The following FBLN1 variants were observed in gnomAD, a reference collection of about 807,000 sequenced individuals.
FBLN1 encodes fibulin-1.
In FBLN1, 34 loss-of-function variants were observed where a neutral mutation model predicts 89.7. The observed-to-expected ratio is 0.38, with a 90% CI of 0.29 to 0.50. The LOEUF (loss-of-function observed/expected upper bound fraction) is 0.50. FBLN1 is among the 20% of genes least tolerant of loss of function. FBLN1 has a pLI of 0.92. For synonymous variants in FBLN1, 393 were observed against 391.3 expected, an observed-to-expected ratio of 1.00 and a Z score of -0.05; for missense variants, 777 against 988.1, an observed-to-expected ratio of 0.79 and a Z score of 2.86.
intron 14 of FBLN1, chr22:45,558,076 C>G (rs953355765): frequency 1.4e-6 from 1 of 716,722 alleles, no homozygotes; most frequent in Admixed American, 2.0e-5. Context: ...GTCAGATGAT[C>G]GTAGGGAACT....
chr22:45,526,289 A>G lies in FBLN1; in HGVS notation c.321+611A>G, dbSNP rs546052104. ...GTCCTCTTCCCTGAGTGCTCCTAGGACCCTACGTGCTAGCAGGTCACTCAG... is the reference window on the plus strand; with the variant it reads ...GTCCTCTTCCCTGAGTGCTCCTAGGGCCCTACGTGCTAGCAGGTCACTCAG... On this transcript the variant is annotated intron_variant, in intron 3 of 16. Coordinates refer to ENST00000327858, the MANE Select transcript of FBLN1 (RefSeq NM_006486.3). Among the ~76,000 whole-genome samples, 43 of 152,148 alleles carry G rather than the reference A, an allele frequency of 2.8e-4. 1 individual carries two copies. The East Asian group carries it at 8.0e-3, about 28-fold the overall frequency.
rs1402854043 is a variant in FBLN1, at chr22:45,590,268, G to A, written c.1973-10039G>A. Among the ~76,000 whole-genome samples the A allele has an allele frequency of 1.3e-5, 2 of 152,230 alleles. No homozygotes were observed. The highest frequency in any genetic ancestry group is 2.4e-5 in the African/African-American group (1 of 41,464). ...GACCTTCATTGCATCTGTAGAAAGA[G>A]GCAGAGTAGCCTTCACTCCGGAAGG... On this transcript the variant is annotated intron_variant, in intron 16 of 16. Coordinates refer to ENST00000327858, the MANE Select transcript of FBLN1 (RefSeq NM_006486.3). The surrounding 1 kb of genome is among the most constrained non-coding windows in gnomAD (Gnocchi z 4.1).
At chr22:45,511,174 GAC>G (rs1434420103) in intron 1 of FBLN1, among the ~76,000 whole-genome samples, 5 of 139,448 alleles carry the variant, frequency 3.6e-5, no homozygotes, top group African/African-American at 1.1e-4. Context: ...TTTTTTTTGA[GAC>G]AGAGTTTCGC....
rs2088690584 is a variant in FBLN1, at chr22:45,550,673, A to AGGTGGGTGG, written c.1697+59_1697+60insGTGGGTGGG. 3 of 1,613,214 alleles carry AGGTGGGTGG rather than the reference A, an allele frequency of 1.9e-6. No individual in the cohort carries two copies. The highest frequency in any genetic ancestry group is 2.2e-5 in the South Asian group (2 of 90,986). On this transcript the variant is annotated intron_variant, in intron 14 of 16. Transcript: ENST00000327858. The surrounding 1 kb of genome is among the most constrained non-coding windows in gnomAD (Gnocchi z 8.4). ...TCTGTGTTGGCCTTCCTGGTGACCC[A>AGGTGGGTGG]GTTCCCGGGTGGGTGGGTTATCAGG...
Position 45,597,123 on chromosome 22 carries a change from C to A in FBLN1, c.1973-3184C>A, listed in dbSNP as rs1373731784. Reference sequence around the variant, plus strand: ...GCTCAAACAATTCTGCCACCTCAGCCTCCTGAGTAGCTGGGACTATAAGCA... The same window carrying A: ...GCTCAAACAATTCTGCCACCTCAGCATCCTGAGTAGCTGGGACTATAAGCA... On this transcript the variant is annotated intron_variant, in intron 16 of 16. Coordinates refer to ENST00000327858, the MANE Select transcript of FBLN1 (RefSeq NM_006486.3). This position sits in a 1 kb window ranked among gnomAD's most constrained non-coding sequence, Gnocchi z 4.2. Among the ~76,000 whole-genome samples, 1 of 128,706 alleles carries A rather than the reference C, an allele frequency of 7.8e-6. No homozygotes were observed. 84.4% of individuals were successfully genotyped at this position (128,706 alleles called of 152,430 possible).
rs1032723453 is a variant in FBLN1 at position 45,536,362 on chromosome 22, C to T, written c.922+1025C>T. Among the ~76,000 whole-genome samples the T allele has an allele frequency of 1.6e-4, 25 of 151,908 alleles. No homozygotes were observed. Among genetic ancestry groups the T allele is most frequent in the Admixed American group, 5.2e-4 (8 of 15,244 alleles). ...GAGATGGATGGGGGTGATGGTGGCA[C>T]GACAGTGTGAATGCAGTAATGCCCC... On this transcript the variant is annotated intron_variant, in intron 8 of 16. Coordinates refer to ENST00000327858, the MANE Select transcript of FBLN1 (RefSeq NM_006486.3). The surrounding 1 kb of genome is among the most constrained non-coding windows in gnomAD (Gnocchi z 5.1).
chr22:45,600,226 C>T (rs777712162), intron 16 of FBLN1, 81 bp from the exon 17 acceptor site: 2 of 1,573,742 alleles, frequency 1.3e-6, no homozygotes, highest in African/African-American at 1.3e-5. Flanking sequence ...CTCTGAAACT[C>T]CTCAAGGGAA....
chr22:45,523,441 G>A (rs191146101), intron 2 of FBLN1, among the ~76,000 whole-genome samples: 61 of 152,318 alleles, frequency 4.0e-4, no homozygotes, highest in African/African-American at 1.3e-3. Flanking sequence ...AGTGGCTCAC[G>A]CCTATAATCC....
In FBLN1 at chr22:45,556,803, C is replaced by T. The variant is rs1168921683; in HGVS notation, c.1697+6188C>T. Among the ~76,000 whole-genome samples the T allele has an allele frequency of 2.0e-5, 3 of 152,070 alleles. No individual in the cohort carries two copies. In the South Asian group the frequency reaches 6.2e-4, roughly 32 times the overall value. Reference sequence around the variant, plus strand: ...GTTCTGTCTCCTGGTGGCGGCGTTCCTCCCTCTGGAACTAAGACCTCTAGG... The same window carrying T: ...GTTCTGTCTCCTGGTGGCGGCGTTCTTCCCTCTGGAACTAAGACCTCTAGG... On this transcript the variant is annotated intron_variant, in intron 14 of 16. Coordinates refer to ENST00000327858, the MANE Select transcript of FBLN1 (RefSeq NM_006486.3). This position sits in a 1 kb window ranked among gnomAD's most constrained non-coding sequence, Gnocchi z 4.6.
rs2088870858 is a variant in FBLN1, at chr22:45,563,222, T to A, written c.1698-11289T>A. 4.3e-6 allele frequency: 7 copies of A among 1,613,638 alleles called. No homozygotes were observed. Among genetic ancestry groups the A allele is most frequent in the Non-Finnish European group, 5.9e-6 (7 of 1,180,028 alleles). ...TCTCTCTCGCCACGGCACCGTCAGC[T>A]CCTTTGTGGCCAAGCTTTTCATCTT... On this transcript the variant is annotated intron_variant, in intron 14 of 16. Transcript: ENST00000327858. The surrounding 1 kb of genome is among the most constrained non-coding windows in gnomAD (Gnocchi z 5.7).
Position 45,574,666 on chromosome 22 carries a change from G to GGT in FBLN1, c.1840+17_1840+18dup. On this transcript the variant is annotated intron_variant, in intron 15 of 16. Coordinates refer to ENST00000327858, the MANE Select transcript of FBLN1 (RefSeq NM_006486.3). The surrounding 1 kb of genome is among the most constrained non-coding windows in gnomAD (Gnocchi z 4.1). ...ACCCGCCCTGAAGGTGAGTGGGATGGGTGTGGGGGTCCCAGGGCCCCCTAG... is the reference window on the plus strand; with the variant it reads ...ACCCGCCCTGAAGGTGAGTGGGATGGGTGTGTGGGGGTCCCAGGGCCCCCTAG... 1.1e-5 allele frequency: 17 copies of GGT among 1,611,902 alleles called. No individual in the cohort carries two copies. Among genetic ancestry groups the GGT allele is most frequent in the Non-Finnish European group, 1.4e-5 (17 of 1,179,350 alleles).
chr22:45,527,682 C>G (rs1265325452), intron 3 of FBLN1, among the ~76,000 whole-genome samples, 165 bp from the exon 4 acceptor site: 1 of 152,064 alleles, frequency 6.6e-6, no homozygotes, highest in Non-Finnish European at 1.5e-5. Context: ...CCTTGCTTTG[C>G]TATTTGTTGC....
rs1207915190 is a variant in FBLN1 at position 45,583,383 on chromosome 22, G to A, written c.1972+6275G>A. Among the ~76,000 whole-genome samples the A allele has an allele frequency of 6.6e-6, 1 of 152,172 alleles. No homozygotes were observed. Among genetic ancestry groups the A allele is most frequent in the African/African-American group, 2.4e-5 (1 of 41,444 alleles). The stretch of plus-strand genomic sequence containing the variant: ...GAAGGGTGGATGCTTACCTTAGACA[G>A]CTGCTCACCTTAGACATGGTCACCT... On this transcript the variant is annotated intron_variant, in intron 16 of 16. Transcript: ENST00000327858. This position sits in a 1 kb window ranked among gnomAD's most constrained non-coding sequence, Gnocchi z 4.5.
chr22:45,564,747 T>A, intron 14 of FBLN1: 2 of 1,035,186 alleles, frequency 1.9e-6, no homozygotes, highest in Non-Finnish European at 2.9e-6. Context: ...AGTGCGGTGT[T>A]CCCAGCTCCT....
chr22:45,596,103 T>C (rs755048603), intron 16 of FBLN1, among the ~76,000 whole-genome samples: 9 of 152,212 alleles, frequency 5.9e-5, no homozygotes, highest in Non-Finnish European at 1.2e-4. Flanking sequence ...TCTCCTGACC[T>C]TGTGATCCGC....
rs554255144 is a variant in FBLN1 at position 45,597,485 on chromosome 22, G to A, written c.1973-2822G>A. Among the ~76,000 whole-genome samples, 2 of 152,272 alleles carry A rather than the reference G, an allele frequency of 1.3e-5. No individual in the cohort carries two copies. Among genetic ancestry groups the A allele is most frequent in the East Asian group, 1.9e-4 (1 of 5,180 alleles). On this transcript the variant is annotated intron_variant, in intron 16 of 16. Transcript: ENST00000327858. This position sits in a 1 kb window ranked among gnomAD's most constrained non-coding sequence, Gnocchi z 4.2. ...TTGGCAGGTCACTGTGGCTAGCGGG[G>A]GCACCATTGTTGGCCTCGGGCCTGG...
chr22:45,548,459 C>CT (rs376244580), intron 12 of FBLN1, among the ~76,000 whole-genome samples, 154 bp from the exon 13 acceptor site: 2 of 152,262 alleles, frequency 1.3e-5, no homozygotes, highest in African/African-American at 4.8e-5. Context: ...CATCGCCTCT[C>CT]TGAGCACGAT....
chr22:45,587,005 G>A (rs541615391), intron 16 of FBLN1, among the ~76,000 whole-genome samples: 11 of 152,110 alleles, frequency 7.2e-5, no homozygotes, highest in Non-Finnish European at 1.6e-4. Context: ...AGCTTCTGGG[G>A]GACTCCTGCG....
At chr22:45,503,211 G>C (rs1424589778) in intron 1 of FBLN1, 147 bp downstream of exon 1, 1 of 326,284 alleles carries the variant, frequency 3.1e-6, no homozygotes. Context: ...AGGCCTCGGC[G>C]ACGCCCCCCT....
Sources: allele counts gnomAD v4.1 joint callset (sites outside exome capture counted in the v4.1 genomes callset), GRCh38; gene constraint gnomAD v4.1.1; non-coding constraint Gnocchi (gnomAD v3.1); transcripts MANE v1.5; gene names NCBI Gene and HGNC (gene_info 2026-07-23, HGNC 2026-07-21).